SERINC5: variants seen among roughly 807,000 people sequenced by gnomAD.
SERINC5 encodes chromosome 5 open reading frame 12.
SERINC5 carries 41 observed loss-of-function variants against 63.1 expected under a neutral mutation model. That is an observed-to-expected ratio of 0.65 (90% CI 0.51 to 0.84). The LOEUF is 0.84. SERINC5 is among the 40% of genes least tolerant of loss of function. The probability of loss-of-function intolerance (pLI) is 0.00; values close to 1 mark genes in which losing one functional copy is unlikely to be tolerated. For missense variants in SERINC5, 523 were observed against 573.0 expected, an observed-to-expected ratio of 0.91 and a Z score of 0.89; for synonymous variants, 222 against 215.2, an observed-to-expected ratio of 1.03 and a Z score of -0.28.
intron 11 of SERINC5, among the ~76,000 whole-genome samples, chr5:80,115,899 A>C (rs560033770): frequency 1.3e-5 from 2 of 152,220 alleles, no homozygotes; most frequent in East Asian, 3.9e-4. Context: ...CAAAGCTGAC[A>C]ATGGATAAAA....
At chr5:80,133,647 C>A (rs1163640814) in intron 11 of SERINC5, among the ~76,000 whole-genome samples, 1 of 152,338 alleles carries the variant, frequency 6.6e-6, no homozygotes, top group South Asian at 2.1e-4. Context: ...AAGAACAAAT[C>A]TAAGATGCTG....
At chr5:80,175,748 C>T (rs1747985813) in intron 4 of SERINC5, among the ~76,000 whole-genome samples, 1 of 151,012 alleles carries the variant, frequency 6.6e-6, no homozygotes, top group Non-Finnish European at 1.5e-5. Flanking sequence ...CCTGTAATCC[C>T]ATCTACTCAG....
At chr5:80,173,954 C>T (rs1392470616) in intron 5 of SERINC5, among the ~76,000 whole-genome samples, 1 of 151,810 alleles carries the variant, frequency 6.6e-6, no homozygotes, top group African/African-American at 2.4e-5. Context: ...CACTGTAAAC[C>T]ACAAAATTTG....
At chr5:80,219,946 C>T (rs1750826042) in intron 1 of SERINC5, among the ~76,000 whole-genome samples, 1 of 152,064 alleles carries the variant, frequency 6.6e-6, no homozygotes, top group African/African-American at 2.4e-5. Flanking sequence ...CGGTGGCTCA[C>T]GCCTGTAATC....
At position 80,139,898 on chromosome 5, in the gene SERINC5, C is replaced by A. The variant is rs1235207833; in HGVS notation, c.*3765G>T. The A allele has an allele frequency of 5.1e-6, 5 of 985,016 alleles. No homozygotes were observed. The highest frequency in any genetic ancestry group is 6.0e-6 in the Non-Finnish European group (5 of 829,898). The allele number at this position is 985,016 out of a possible 1,614,324, so 61.0% of individuals were successfully genotyped here. On this transcript the variant is annotated 3_prime_UTR_variant, in exon 12 of 12. Coordinates refer to ENST00000507668, the MANE Select transcript of SERINC5 (RefSeq NM_001174072.3). ...AAGAGGTATAGGACACTAGAGTACA[C>A]CAAATGAGATACTATTTGGAAAGGC...
In SERINC5 at chr5:80,212,469, C is replaced by A. The variant is rs1002658557; in HGVS notation, c.28-9416G>T. On this transcript the variant is annotated intron_variant, in intron 1 of 11. Coordinates refer to ENST00000507668, the MANE Select transcript of SERINC5 (RefSeq NM_001174072.3). ...TCCTTCCCTTCCTTCTCTTTTGAAG[C>A]TTTAGGGTTACCTTTGAGTCAACTG... Among the ~76,000 whole-genome samples the A allele has an allele frequency of 2.6e-5, 4 of 152,138 alleles. No individual in the cohort carries two copies. The South Asian group carries it at 8.3e-4, about 32-fold the overall frequency.
intron 7 of SERINC5, among the ~76,000 whole-genome samples, chr5:80,160,869 A>C (rs1489280637): frequency 2.0e-5 from 3 of 151,714 alleles, no homozygotes; most frequent in African/African-American, 7.3e-5. Flanking sequence ...ACAGGATTTC[A>C]TTCTTTTTTA....
chr5:80,134,601 G>T (rs1745082598), downstream of SERINC5, among the ~76,000 whole-genome samples: 1 of 152,228 alleles, frequency 6.6e-6, no homozygotes, highest in Non-Finnish European at 1.5e-5. Flanking sequence ...ACAGCTTGGA[G>T]GTTAGGAACA....
intron 11 of SERINC5, among the ~76,000 whole-genome samples, chr5:80,128,719 A>G (rs191333080): frequency 1.3e-5 from 2 of 152,348 alleles, no homozygotes; most frequent in Admixed American, 6.5e-5. Context: ...TGTGAGAATT[A>G]TGCCAAGCAC....
In SERINC5 at chr5:80,224,142, A is replaced by AAG. The variant is rs1424789773; in HGVS notation, c.28-21090_28-21089insCT. Among the ~76,000 whole-genome samples the AAG allele has an allele frequency of 4.3e-3, 643 of 150,688 alleles. 5 individuals carry two copies. Among genetic ancestry groups the AAG allele is most frequent in the African/African-American group, 0.015 (625 of 40,928 alleles). ...GAACAAAACTCCGTCTCAAAAAAAA[A>AAG]AAAAAAAGAAAAAAGAAAAAGAAAA... On this transcript the variant is annotated intron_variant, in intron 1 of 11. Coordinates refer to ENST00000507668, the MANE Select transcript of SERINC5 (RefSeq NM_001174072.3).
At position 80,139,653 on chromosome 5, in the gene SERINC5, A is replaced by T; in HGVS notation, c.*4010T>A. On this transcript the variant is annotated 3_prime_UTR_variant, in exon 12 of 12. Coordinates refer to ENST00000507668, the MANE Select transcript of SERINC5 (RefSeq NM_001174072.3). Reference sequence around the variant, plus strand: ...TGTGAACAGCTCTCCAGTACTGTGAAGTCAAAGGCCCAACATTACAGAGCG... The same window carrying T: ...TGTGAACAGCTCTCCAGTACTGTGATGTCAAAGGCCCAACATTACAGAGCG... 1 of 983,732 alleles carries T rather than the reference A, an allele frequency of 1.0e-6. No individual in the cohort carries two copies. The highest frequency in any genetic ancestry group is 1.8e-5 in the African/African-American group (1 of 55,814). 60.9% of individuals were successfully genotyped at this position (983,732 alleles called of 1,614,324 possible). A position where few individuals can be genotyped will look rare whatever the true frequency, so the allele number is the denominator to read the frequency against.
intron 10 of SERINC5, 138 bp downstream of exon 10, chr5:80,147,107 T>G: frequency 1.3e-6 from 1 of 746,092 alleles, no homozygotes; most frequent in Non-Finnish European, 2.2e-6. Flanking sequence ...GAAAAGTGTA[T>G]AAGTAGTAAG....
intron 1 of SERINC5, among the ~76,000 whole-genome samples, chr5:80,207,007 A>G (rs1466936086): frequency 6.6e-6 from 1 of 151,338 alleles, no homozygotes; most frequent in East Asian, 1.9e-4. Context: ...ATATATATAT[A>G]TATATTTTTT....
chr5:80,229,777 A>G (rs1751356986), intron 1 of SERINC5, among the ~76,000 whole-genome samples: 1 of 152,242 alleles, frequency 6.6e-6, no homozygotes, highest in South Asian at 2.1e-4. Flanking sequence ...GCTTGCATGC[A>G]TGCTCATTTC....
At chr5:80,225,924 G>A (rs779332368) in intron 1 of SERINC5, among the ~76,000 whole-genome samples, 124 of 152,172 alleles carry the variant, frequency 8.1e-4, no homozygotes, top group Non-Finnish European at 1.3e-3. Context: ...TAACCAAGGA[G>A]ATCCTTCTAC....
chr5:80,128,986 A>T (rs2112250327), intron 11 of SERINC5: 2 of 152,186 alleles, frequency 1.3e-5, no homozygotes, highest in East Asian at 3.9e-4. Context: ...TCAAGTTTCC[A>T]AACTCCTTGG....
In SERINC5 at chr5:80,139,958, T is replaced by C. The variant is rs987738027; in HGVS notation, c.*3705A>G. 142 of 985,238 alleles carry C rather than the reference T, an allele frequency of 1.4e-4. No homozygotes were observed. The highest frequency in any genetic ancestry group is 1.7e-4 in the Non-Finnish European group (139 of 829,898). The allele number at this position is 985,238 out of a possible 1,614,324, so 61.0% of individuals were successfully genotyped here. ...AGTGTAAAAGCCTAGGTAGCTTAAA[T>C]ACAGGCTCTGGAATTTCCTTCGCAG... On this transcript the variant is annotated 3_prime_UTR_variant, in exon 12 of 12. Coordinates refer to ENST00000507668, the MANE Select transcript of SERINC5 (RefSeq NM_001174072.3).
chr5:80,210,693 C>T (rs772260004), intron 1 of SERINC5, among the ~76,000 whole-genome samples: 1 of 152,210 alleles, frequency 6.6e-6, no homozygotes, highest in Non-Finnish European at 1.5e-5. Flanking sequence ...CTTACTTTCA[C>T]AGTTCCAAAG....
chr5:80,205,676 T>C (rs563769386), intron 1 of SERINC5, among the ~76,000 whole-genome samples: 6 of 152,278 alleles, frequency 3.9e-5, no homozygotes, highest in Admixed American at 1.3e-4. Context: ...TAATAGAGGA[T>C]GGTGATTAAA....
Sources: allele counts gnomAD v4.1 joint callset (sites outside exome capture counted in the v4.1 genomes callset), GRCh38; gene constraint gnomAD v4.1.1; transcripts MANE v1.5; gene names NCBI Gene and HGNC (gene_info 2026-07-23, HGNC 2026-07-21).